Variants in SYCP1 observed in about 807,000 individuals in gnomAD.
SYCP1 encodes synaptonemal complex protein 1, also known as cancer/testis antigen 8.
SYCP1 carries 64 observed loss-of-function variants against 153.1 expected under a neutral mutation model. The ratio of observed to expected loss-of-function variants is 0.42; its 90% CI spans 0.34 to 0.51. The LOEUF (loss-of-function observed/expected upper bound fraction) is 0.51, where lower values mean the gene tolerates loss of function less well. Ranked by LOEUF, SYCP1 falls within the 20% of genes least tolerant of loss-of-function variation. SYCP1 has a pLI of 0.06. For missense variants in SYCP1, 997 were observed against 1,049.0 expected (o/e 0.95, Z 0.68); for synonymous variants, 384 against 341.8 (o/e 1.12, Z -1.36).
At chr1:114,964,822 G>A (rs1448504568) in intron 27 of SYCP1, among the ~76,000 whole-genome samples, 1 of 152,108 alleles carries the variant, frequency 6.6e-6, no homozygotes, top group Non-Finnish European at 1.5e-5. Context: ...TGTTCTTTTG[G>A]CTTAGGATTG....
Position 114,886,399 on chromosome 1 carries a change from C to G in SYCP1, c.1190+90C>G, listed in dbSNP as rs1666309033. 2.7e-6 allele frequency: 3 copies of G among 1,130,104 alleles called. No homozygotes were observed. In the East Asian group the frequency reaches 8.4e-5, roughly 32 times the overall value. 70.0% of individuals were successfully genotyped at this position (1,130,104 alleles called of 1,614,324 possible). On this transcript the variant is annotated intron_variant, in intron 14 of 31. Transcript: ENST00000369522. The stretch of plus-strand genomic sequence containing the variant: ...AATGCCATTTTCTTTGCATTGCCAA[C>G]TGATGTGTGTAATTCATATAACAAC...
intron 7 of SYCP1, 84 bp from the exon 8 acceptor site, chr1:114,860,652 G>T: frequency 1.2e-6 from 1 of 848,604 alleles, no homozygotes; most frequent in Non-Finnish European, 1.8e-6. Flanking sequence ...CTTAAAAATT[G>T]TAACAATATA....
chr1:114,976,672 A>G (rs1672811258), intron 27 of SYCP1, among the ~76,000 whole-genome samples: 1 of 151,832 alleles, frequency 6.6e-6, no homozygotes, highest in South Asian at 2.1e-4. Flanking sequence ...AGTAGACTCC[A>G]ATTGTCACTA....
At chr1:114,883,178 A>T (rs757515595) in intron 12 of SYCP1, among the ~76,000 whole-genome samples, 1 of 152,102 alleles carries the variant, frequency 6.6e-6, no homozygotes, top group African/African-American at 2.4e-5. Context: ...TTGAATTTTT[A>T]TTCCCTTTTA....
In SYCP1 at chr1:114,972,228, G is replaced by T. The variant is rs188601027; in HGVS notation, c.2323-5329G>T. Among the ~76,000 whole-genome samples the T allele has an allele frequency of 1.6e-3, 241 of 152,018 alleles. 2 individuals carry two copies. The Middle Eastern group carries it at 0.037, about 24-fold the overall frequency. The stretch of plus-strand genomic sequence containing the variant: ...TATTTACCTCATAGTAACCTCTAGC[G>T]ATCCTTTGAATTTCTGTGGTATTGA... On this transcript the variant is annotated intron_variant, in intron 27 of 31. Coordinates refer to ENST00000369522, the MANE Select transcript of SYCP1 (RefSeq NM_003176.4).
rs1445091652 is a variant in SYCP1 at position 114,858,863 on chromosome 1, G to C, written c.456+152G>C. The stretch of plus-strand genomic sequence containing the variant: ...CTTTTTAAAAGTTACATCAATACTG[G>C]ATACATTTTAACTTTAAGAATGAGC... On this transcript the variant is annotated intron_variant, in intron 6 of 31. Transcript: ENST00000369522. 4 of 672,452 alleles carry C rather than the reference G, an allele frequency of 5.9e-6. No individual in the cohort carries two copies. In the Admixed American group the frequency reaches 1.1e-4, roughly 19 times the overall value. The allele number at this position is 672,452 out of a possible 1,614,324, so 41.7% of individuals were successfully genotyped here. A position where few individuals can be genotyped will look rare whatever the true frequency, so the allele number is the denominator to read the frequency against.
intron 2 of SYCP1, 118 bp from the exon 3 acceptor site, chr1:114,856,455 G>A: frequency 1.7e-6 from 1 of 592,392 alleles, no homozygotes. Flanking sequence ...GTACATTAAA[G>A]GATTTGCAAT....
intron 27 of SYCP1, among the ~76,000 whole-genome samples, chr1:114,963,156 G>A (rs12135023): frequency 0.39 from 58,593 of 151,924 alleles, 12,510 homozygotes; most frequent in East Asian, 0.5. Context: ...CCTAGATTAC[G>A]ATCTTTTGCG....
Position 114,912,931 on chromosome 1 carries a change from C to T in SYCP1, c.1530-102C>T, listed in dbSNP as rs911914261. On this transcript the variant is annotated intron_variant, in intron 18 of 31. Transcript: ENST00000369522. ...TCAATTTTGTTTCATGTTTTTCCCC[C>T]AGCCCTTCATCCCTTTCCCCTATCA... The T allele has an allele frequency of 1.7e-5, 13 of 745,910 alleles. No individual in the cohort carries two copies. In the African/African-American group the frequency reaches 2.2e-4, roughly 13 times the overall value. The allele number at this position is 745,910 out of a possible 1,614,324, so 46.2% of individuals were successfully genotyped here.
At chr1:114,909,315 T>C (rs1668022953) in intron 16 of SYCP1, among the ~76,000 whole-genome samples, 1 of 152,070 alleles carries the variant, frequency 6.6e-6, no homozygotes, top group African/African-American at 2.4e-5. Flanking sequence ...ACCACACTGC[T>C]TAGCAGTGAC....
At chr1:114,858,095 T>C (rs1026017603) in intron 5 of SYCP1, among the ~76,000 whole-genome samples, 2 of 152,090 alleles carry the variant, frequency 1.3e-5, no homozygotes, top group Non-Finnish European at 2.9e-5. Flanking sequence ...GAAATCTATA[T>C]AAAAATCAGA....
intron 30 of SYCP1, among the ~76,000 whole-genome samples, 192 bp from the exon 31 acceptor site, chr1:114,994,505 GT>G (rs1362809069): frequency 6.6e-6 from 1 of 151,256 alleles, no homozygotes; most frequent in Non-Finnish European, 1.5e-5. Context: ...TTTTGTTACT[GT>G]TTTCTTTGTT....
intron 23 of SYCP1, among the ~76,000 whole-genome samples, chr1:114,932,072 G>A (rs922072283): frequency 6.6e-6 from 1 of 152,118 alleles, no homozygotes; most frequent in Non-Finnish European, 1.5e-5. Context: ...AATTTTAAAT[G>A]GGTTATAGGC....
chr1:114,904,577 A>G (rs1191923701), intron 16 of SYCP1, among the ~76,000 whole-genome samples: 2 of 152,206 alleles, frequency 1.3e-5, no homozygotes, highest in African/African-American at 4.8e-5. Flanking sequence ...TCTTCTTTAT[A>G]ATGATTTATT....
At chr1:114,877,440 T>C (rs1012867960) in intron 11 of SYCP1, among the ~76,000 whole-genome samples, 1 of 152,204 alleles carries the variant, frequency 6.6e-6, no homozygotes, top group African/African-American at 2.4e-5. Context: ...TCACTATATT[T>C]GCAGTTTTTC....
At chr1:114,917,187 C>T (rs1341389081) in intron 20 of SYCP1, among the ~76,000 whole-genome samples, 1 of 152,102 alleles carries the variant, frequency 6.6e-6, no homozygotes, top group Non-Finnish European at 1.5e-5. Flanking sequence ...TACTCTCTAT[C>T]TTAATGAGTT....
chr1:114,857,168 A>AAAAAAAAG, intron 3 of SYCP1, 64 bp from the exon 4 acceptor site: 1 of 789,560 alleles, frequency 1.3e-6, no homozygotes, highest in Non-Finnish European at 1.8e-6. Context: ...GAGAAAAAAG[A>AAAAAAAAG]AAAAAAAAAA....
rs1183068589 is a variant in SYCP1 at position 114,858,579 on chromosome 1, A to G, written c.324A>G (p.Lys108=). 4 of 1,608,846 alleles carry G rather than the reference A, an allele frequency of 2.5e-6. No individual in the cohort carries two copies. Among genetic ancestry groups the G allele is most frequent in the African/African-American group, 1.3e-5 (1 of 74,808 alleles). Residue 108 remains lysine (K), a synonymous_variant, in exon 6 of 32, where the codon AAA becomes AAG. Coordinates refer to ENST00000369522, the MANE Select transcript of SYCP1 (RefSeq NM_003176.4). ...NSEGLSRVYS[K]LYKEAEKIKK... is the part of the protein sequence containing the mutation. ...AGGGATTGAGCAGAGTGTATTCAAA[A>G]CTGTATAAGGAGGCTGAAAAGATAA... is the stretch of plus-strand genomic sequence containing the variant.
intron 15 of SYCP1, among the ~76,000 whole-genome samples, chr1:114,894,489 A>AGGTT: frequency 6.6e-6 from 1 of 152,200 alleles, no homozygotes. Flanking sequence ...AAATATAAGA[A>AGGTT]AGTTGAAAAA....
Sources: gnomAD v4.1 joint callset for allele counts (sites outside exome capture counted in the v4.1 genomes callset) on GRCh38, gnomAD v4.1.1 for gene constraint, MANE v1.5 for transcripts, NCBI Gene and HGNC (gene_info 2026-07-23, HGNC 2026-07-21) for gene names.